The following PXMP4 variants were observed in gnomAD, a reference collection of about 807,000 sequenced individuals.
PXMP4 encodes 24 kDa peroxisomal intrinsic membrane protein.
In PXMP4, 16 loss-of-function variants were observed where a neutral mutation model predicts 21.6. The ratio of observed to expected loss-of-function variants is 0.74; its 90% CI spans 0.50 to 1.13. The LOEUF (loss-of-function observed/expected upper bound fraction) is 1.13, where lower values mean the gene tolerates loss of function less well. Among genes scored for constraint, PXMP4 ranks in the 50% most tolerant of loss-of-function variants. PXMP4 has a pLI of 0.00. For synonymous variants in PXMP4, 127 were observed against 123.8 expected (o/e 1.03, Z -0.17); for missense variants, 240 against 277.7 (o/e 0.86, Z 0.96).
At chr20:33,713,225 G>A (rs2018349811) in intron 2 of PXMP4, among the ~76,000 whole-genome samples, 3 of 152,056 alleles carry the variant, frequency 2.0e-5, no homozygotes, top group Admixed American at 2.0e-4. Context: ...GCTGTGACCC[G>A]CCTCTCTGTC....
At chr20:33,711,822 T>A (rs2018329224) in intron 2 of PXMP4, among the ~76,000 whole-genome samples, 1 of 151,928 alleles carries the variant, frequency 6.6e-6, no homozygotes, top group Non-Finnish European at 1.5e-5. Context: ...TGAGACCTCG[T>A]CTCTATAAAA....
rs146361580 is a variant in PXMP4, at chr20:33,707,951, A to G, written c.394T>C (p.Ser132Pro). Residue 132 changes from serine (S) to proline (P), a missense_variant, in exon 4 of 4, where the codon TCA becomes CCA. By Grantham distance (74) the Ser-to-Pro change is moderately conservative (BLOSUM62 -1). Coordinates refer to ENST00000409299, the MANE Select transcript of PXMP4 (RefSeq NM_007238.5). ...CGGCTCAGGGCAAACAGGACGCGTG[A>G]CAACAGGTACATGTTGATCTGCAAA... is the stretch of plus-strand genomic sequence containing the variant. Reference protein sequence around the residue: ...INSQINMYLLSRVLFALSRLA... With the variant: ...INSQINMYLLPRVLFALSRLA... 8.7e-6 allele frequency: 14 copies of G among 1,613,842 alleles called. No homozygotes were observed. Among genetic ancestry groups the G allele is most frequent in the African/African-American group, 1.3e-5 (1 of 74,916 alleles).
In PXMP4 at chr20:33,720,171, C is replaced by G. The variant is rs139970721; in HGVS notation, c.37G>C (p.Val13Leu). The change falls in exon 1 of 4, where the codon GTC (valine) becomes CTC (leucine). Residue 13 changes from valine to leucine, a missense_variant. Coordinates refer to ENST00000409299, the MANE Select transcript of PXMP4 (RefSeq NM_007238.5). Reference sequence around the variant, plus strand: ...CGCTTGCGCAGCAGTGCGTTGACGACTACGAGCAGAGCCCTTAGCTGCGGC... The same window carrying G: ...CGCTTGCGCAGCAGTGCGTTGACGAGTACGAGCAGAGCCCTTAGCTGCGGC... ...APPQLRALLV[V>L]VNALLRKRRY... is the part of the protein sequence containing the mutation. 1.2e-4 allele frequency: 190 copies of G among 1,613,408 alleles called. No homozygotes were observed. The African/African-American group carries it at 2.3e-3, about 19-fold the overall frequency.
rs1271188981 is a variant in PXMP4, at chr20:33,707,705, A to G, written c.*1T>C. 5 of 1,613,394 alleles carry G rather than the reference A, an allele frequency of 3.1e-6. No individual in the cohort carries two copies. Among genetic ancestry groups the G allele is most frequent in the Non-Finnish European group, 1.7e-6 (2 of 1,179,664 alleles). The stretch of plus-strand genomic sequence containing the variant: ...CCACAGCCAGACACCTCAGGGCTGC[A>G]TTAATTGGAGGGACGGCTCTTGTTA... On this transcript the variant is annotated 3_prime_UTR_variant, in exon 4 of 4. Transcript: ENST00000409299.
intron 1 of PXMP4, among the ~76,000 whole-genome samples, chr20:33,718,557 C>T (rs926739514): frequency 4.2e-5 from 6 of 141,638 alleles, no homozygotes; most frequent in African/African-American, 1.0e-4. Context: ...AAAAGGGTTA[C>T]TGATGTTATC....
chr20:33,708,337 C>A (rs946176273), intron 3 of PXMP4, among the ~76,000 whole-genome samples: 1 of 151,782 alleles, frequency 6.6e-6, no homozygotes, highest in Non-Finnish European at 1.5e-5. Context: ...CAGGTGGCGC[C>A]CACCATGCCC....
At chr20:33,709,908 C>G (rs1362363422) in intron 3 of PXMP4, among the ~76,000 whole-genome samples, 5 of 137,060 alleles carry the variant, frequency 3.6e-5, no homozygotes, top group African/African-American at 1.4e-4. Context: ...CACTGAACCA[C>G]GCTCTTTCCC....
intron 3 of PXMP4, among the ~76,000 whole-genome samples, chr20:33,708,246 A>C (rs983324124): frequency 1.4e-5 from 2 of 147,812 alleles, no homozygotes; most frequent in African/African-American, 2.5e-5. Flanking sequence ...GAGTGGGCTT[A>C]CTGGATCTCG....
chr20:33,710,525 T>A, intron 3 of PXMP4, 30 bp downstream of exon 3: 1 of 1,079,112 alleles, frequency 9.3e-7, no homozygotes, highest in Non-Finnish European at 1.3e-6. Context: ...CACGCCCCCT[T>A]CACTACCCCC....
At chr20:33,714,480 G>A (rs781073851) in intron 2 of PXMP4, among the ~76,000 whole-genome samples, 194 bp downstream of exon 2, 1 of 151,990 alleles carries the variant, frequency 6.6e-6, no homozygotes, top group Non-Finnish European at 1.5e-5. Flanking sequence ...GATCATCACC[G>A]CACTCTGACC....
chr20:33,718,418 G>A (rs2018406709), intron 1 of PXMP4, among the ~76,000 whole-genome samples: 1 of 151,036 alleles, frequency 6.6e-6, no homozygotes, highest in South Asian at 2.1e-4. Context: ...GGCTGAGGCA[G>A]GAGAATGGTG....
At chr20:33,711,826 T>C (rs532444764) in intron 2 of PXMP4, among the ~76,000 whole-genome samples, 1 of 152,004 alleles carries the variant, frequency 6.6e-6, no homozygotes, top group South Asian at 2.1e-4. Flanking sequence ...ACCTCGTCTC[T>C]ATAAAAAATA....
chr20:33,719,556 A>G (rs1318712749), intron 1 of PXMP4, among the ~76,000 whole-genome samples: 1 of 152,208 alleles, frequency 6.6e-6, no homozygotes, highest in Non-Finnish European at 1.5e-5. Flanking sequence ...TGCAGGTAAG[A>G]TGCCAGGATA....
intron 1 of PXMP4, among the ~76,000 whole-genome samples, chr20:33,717,658 A>AAAAAAAAAAT (rs1555866644): frequency 5.7e-4 from 78 of 137,492 alleles, no homozygotes; most frequent in African/African-American, 9.6e-4. Flanking sequence ...AAAAAAAAAA[A>AAAAAAAAAAT]TTATTAAATA....
Position 33,707,440 on chromosome 20 carries a change from A to C in PXMP4, c.*266T>G. 1 of 465,918 alleles carries C rather than the reference A, an allele frequency of 2.1e-6. No homozygotes were observed. Among genetic ancestry groups the C allele is most frequent in the South Asian group, 2.5e-5 (1 of 40,142 alleles). The allele number at this position is 465,918 out of a possible 1,614,324, so 28.9% of individuals were successfully genotyped here. On this transcript the variant is annotated 3_prime_UTR_variant, in exon 4 of 4. Coordinates refer to ENST00000409299, the MANE Select transcript of PXMP4 (RefSeq NM_007238.5). ...GAGCTCCTTGACCCCTGAGGCCTAG[A>C]GAGTAGTGTGGCTGGCCCCAGTCTC... is the stretch of plus-strand genomic sequence containing the variant.
Position 33,704,234 on chromosome 20 carries a change from A to G in PXMP4, c.*3472T>C, listed in dbSNP as rs2626524. ...TGAGTTTGTTTTCCAGCAACTAGAC[A>G]GTCCCATCAAGGCGTGACGGGAGAC... On this transcript the variant is annotated 3_prime_UTR_variant, in exon 4 of 4. Transcript: ENST00000409299. The G allele has an allele frequency of 0.57, 89,612 of 158,420 alleles. 26,738 individuals carry two copies. The highest frequency in any genetic ancestry group is 0.8 in the East Asian group (4,327 of 5,430). 9.8% of individuals were successfully genotyped at this position (158,420 alleles called of 1,614,324 possible).
Position 33,703,257 on chromosome 20 carries a change from C to T in PXMP4, c.*4449G>A, listed in dbSNP as rs1021021206. The T allele has an allele frequency of 6.6e-6, 1 of 152,236 alleles. No individual in the cohort carries two copies. Among genetic ancestry groups the T allele is most frequent in the African/African-American group, 2.4e-5 (1 of 41,464 alleles). 9.4% of individuals were successfully genotyped at this position (152,236 alleles called of 1,614,324 possible). A position where few individuals can be genotyped will look rare whatever the true frequency, so the allele number is the denominator to read the frequency against. On this transcript the variant is annotated 3_prime_UTR_variant, in exon 4 of 4. Transcript: ENST00000409299. The stretch of plus-strand genomic sequence containing the variant: ...CTCAGTCCTCAGGGGCACACTTCCT[C>T]TACATTTGGATGCTCTTAGAAATAA...
rs1456800194 is a variant in PXMP4 at position 33,703,741 on chromosome 20, G to C, written c.*3965C>G. 6.6e-6 allele frequency: 1 copy of C among 152,426 alleles called. No homozygotes were observed. The highest frequency in any genetic ancestry group is 1.5e-5 in the Non-Finnish European group (1 of 68,164). 9.4% of individuals were successfully genotyped at this position (152,426 alleles called of 1,614,324 possible). A position where few individuals can be genotyped will look rare whatever the true frequency, so the allele number is the denominator to read the frequency against. ...GGGGTGAGGGATGCGGGCTGTGGGAGTGGGGGTATTTATCAGTCATTGGTT... is the reference window on the plus strand; with the variant it reads ...GGGGTGAGGGATGCGGGCTGTGGGACTGGGGGTATTTATCAGTCATTGGTT... On this transcript the variant is annotated 3_prime_UTR_variant, in exon 4 of 4. Coordinates refer to ENST00000409299, the MANE Select transcript of PXMP4 (RefSeq NM_007238.5).
In PXMP4 at chr20:33,720,195, G is replaced by GC; in HGVS notation, c.12dup (p.Pro5AlafsTer27). 1 of 1,610,480 alleles carries GC rather than the reference G, an allele frequency of 6.2e-7. No individual in the cohort carries two copies. The highest frequency in any genetic ancestry group is 8.5e-7 in the Non-Finnish European group (1 of 1,178,934). On this transcript the variant is annotated frameshift_variant, in exon 1 of 4. Coordinates refer to ENST00000409299, the MANE Select transcript of PXMP4 (RefSeq NM_007238.5). LOFTEE classifies it high-confidence loss of function. Reference sequence around the variant, plus strand: ...ACTACGAGCAGAGCCCTTAGCTGCGGCGGGGCTGCCATAGTGCGGGCTGCG... The same window carrying GC: ...ACTACGAGCAGAGCCCTTAGCTGCGGCCGGGGCTGCCATAGTGCGGGCTGCG...
Sources: allele counts gnomAD v4.1 joint callset (sites outside exome capture counted in the v4.1 genomes callset), GRCh38; gene constraint gnomAD v4.1.1; transcripts MANE v1.5; gene names NCBI Gene and HGNC (gene_info 2026-07-23, HGNC 2026-07-21).